KLHL18: variants seen among roughly 807,000 people sequenced by gnomAD.
KLHL18 encodes kelch-like protein 18.
In KLHL18, 38 loss-of-function variants were observed where a neutral mutation model predicts 58.5. The observed-to-expected ratio is 0.65, with a 90% CI of 0.50 to 0.85. The LOEUF is 0.85. KLHL18 is among the 40% of genes least tolerant of loss of function. KLHL18 has a pLI of 0.00. For missense variants in KLHL18, 624 were observed against 778.4 expected (o/e 0.80, Z 2.36); for synonymous variants, 303 against 301.9 (o/e 1.00, Z -0.04).
At chr3:47,295,275 T>C (rs1702872706) in intron 1 of KLHL18, among the ~76,000 whole-genome samples, 1 of 152,194 alleles carries the variant, frequency 6.6e-6, no homozygotes, top group Admixed American at 6.5e-5. Context: ...GCCATTCTGG[T>C]TGACTTCTCT....
At chr3:47,326,583 G>C (rs1380629881) in intron 3 of KLHL18, among the ~76,000 whole-genome samples, 1 of 151,734 alleles carries the variant, frequency 6.6e-6, no homozygotes, top group African/African-American at 2.4e-5. Flanking sequence ...GGCTCCCCAC[G>C]TCCCCCATCC....
intron 3 of KLHL18, among the ~76,000 whole-genome samples, chr3:47,329,408 T>C (rs1703801562): frequency 6.6e-6 from 1 of 152,068 alleles, no homozygotes; most frequent in South Asian, 2.1e-4. Context: ...TTTGTATTTT[T>C]AGTAGAGACG....
chr3:47,312,661 G>A (rs369669404), intron 1 of KLHL18, among the ~76,000 whole-genome samples: 9 of 152,204 alleles, frequency 5.9e-5, no homozygotes, highest in African/African-American at 1.9e-4. Context: ...TATAGTTTAT[G>A]TTACATTTAT....
chr3:47,320,777 G>A (rs1415009759), intron 2 of KLHL18, among the ~76,000 whole-genome samples: 1 of 152,102 alleles, frequency 6.6e-6, no homozygotes, highest in South Asian at 2.1e-4. Flanking sequence ...TAATTAGCTG[G>A]GCATGGTGGT....
intron 1 of KLHL18, among the ~76,000 whole-genome samples, chr3:47,289,443 T>G (rs1172249298): frequency 6.6e-6 from 1 of 152,242 alleles, no homozygotes; most frequent in African/African-American, 2.4e-5. Flanking sequence ...CTTCAAGAGC[T>G]ACACATTTGA....
chr3:47,284,246 GTCTC>G (rs1006615175), intron 1 of KLHL18, among the ~76,000 whole-genome samples: 1 of 149,416 alleles, frequency 6.7e-6, no homozygotes, highest in African/African-American at 2.5e-5. Flanking sequence ...ATTTCTCTCT[GTCTC>G]TCTCACACAC....
intron 1 of KLHL18, among the ~76,000 whole-genome samples, chr3:47,300,190 C>T (rs1702985423): frequency 6.6e-6 from 1 of 150,436 alleles, no homozygotes; most frequent in Non-Finnish European, 1.5e-5. Flanking sequence ...TCCCCACCTC[C>T]TTCTTTTCCT....
chr3:47,324,474 A>G (rs1703668940), intron 3 of KLHL18, among the ~76,000 whole-genome samples: 1 of 151,154 alleles, frequency 6.6e-6, no homozygotes, highest in Admixed American at 6.6e-5. Flanking sequence ...GGCTTTTGAG[A>G]TTGTCACTGT....
intron 1 of KLHL18, among the ~76,000 whole-genome samples, chr3:47,308,852 A>G (rs1703214064): frequency 6.6e-6 from 1 of 151,026 alleles, no homozygotes; most frequent in African/African-American, 2.4e-5. Context: ...ACAACAGTGG[A>G]GGGAAGGTCA....
chr3:47,331,124 G>GTTGT (rs1391578446), intron 4 of KLHL18, among the ~76,000 whole-genome samples: 1 of 151,902 alleles, frequency 6.6e-6, no homozygotes, highest in Non-Finnish European at 1.5e-5. Flanking sequence ...AAGAGGGGTT[G>GTTGT]TTGTTTGTTT....
chr3:47,328,464 G>C (rs1182852309), intron 3 of KLHL18, among the ~76,000 whole-genome samples: 1 of 152,138 alleles, frequency 6.6e-6, no homozygotes, highest in Non-Finnish European at 1.5e-5. Context: ...GGTAGCTGTT[G>C]TCATCATCTT....
intron 1 of KLHL18, among the ~76,000 whole-genome samples, chr3:47,315,791 GAT>G (rs1468624625): frequency 3.9e-5 from 6 of 152,104 alleles, no homozygotes; most frequent in African/African-American, 7.2e-5. Context: ...AAAGCAGAGA[GAT>G]AAAGAAGAAA....
intron 1 of KLHL18, among the ~76,000 whole-genome samples, chr3:47,302,934 A>G (rs973531022): frequency 3.3e-5 from 5 of 152,202 alleles, no homozygotes; most frequent in African/African-American, 1.2e-4. Context: ...GTTGTCCAGC[A>G]CTGGTTTGGG....
At chr3:47,332,126 G>T (rs1187182938) in intron 4 of KLHL18, among the ~76,000 whole-genome samples, 1 of 152,198 alleles carries the variant, frequency 6.6e-6, no homozygotes, top group African/African-American at 2.4e-5. Context: ...AAGGTGGGCA[G>T]ATTTGTTGAG....
chr3:47,319,974 T>G (rs970220305), intron 2 of KLHL18, among the ~76,000 whole-genome samples, 191 bp downstream of exon 2: 1 of 152,122 alleles, frequency 6.6e-6, no homozygotes, highest in African/African-American at 2.4e-5. Context: ...AAGGGAGTTT[T>G]GATGGGGCTG....
rs114540227 is a variant in KLHL18 at position 47,323,190 on chromosome 3, G to A, written c.401+482G>A. On this transcript the variant is annotated intron_variant, in intron 3 of 9. Coordinates refer to ENST00000232766, the MANE Select transcript of KLHL18 (RefSeq NM_025010.5). ...TGCAACCTCTGCCTCCCATGTTCCA[G>A]CAATCCTCCCACCTCAGCCTCCCGA... Among the ~76,000 whole-genome samples the A allele has an allele frequency of 6.2e-3, 941 of 151,762 alleles. 14 individuals carry two copies. Among genetic ancestry groups the A allele is most frequent in the African/African-American group, 0.022 (900 of 41,328 alleles).
At chr3:47,286,566 G>T (rs1034007972) in intron 1 of KLHL18, among the ~76,000 whole-genome samples, 2 of 152,188 alleles carry the variant, frequency 1.3e-5, no homozygotes, top group South Asian at 2.1e-4. Context: ...TTGTTAAAAC[G>T]CTGGTTGTTG....
At chr3:47,301,726 A>G (rs532174581) in intron 1 of KLHL18, among the ~76,000 whole-genome samples, 51 of 152,346 alleles carry the variant, frequency 3.3e-4, no homozygotes, top group African/African-American at 9.4e-4. Flanking sequence ...ATAATTACTA[A>G]TAGCCTACTG....
intron 1 of KLHL18, among the ~76,000 whole-genome samples, chr3:47,292,149 A>G (rs1189791632): frequency 1.3e-5 from 2 of 152,208 alleles, no homozygotes; most frequent in African/African-American, 2.4e-5. Flanking sequence ...ATATGACCCA[A>G]TATAATGGTA....
Sources: gnomAD v4.1 joint callset for allele counts (sites outside exome capture counted in the v4.1 genomes callset) on GRCh38, gnomAD v4.1.1 for gene constraint, MANE v1.5 for transcripts, NCBI Gene and HGNC (gene_info 2026-07-23, HGNC 2026-07-21) for gene names.